Variants in RBFOX1 observed in about 807,000 individuals in gnomAD.
RBFOX1 encodes RNA binding fox-1 homolog 1, also known as RNA binding protein fox-1 homolog 1.
In RBFOX1, 8 loss-of-function variants were observed where a neutral mutation model predicts 57.7. That is an observed-to-expected ratio of 0.14 (90% CI 0.08 to 0.25). The LOEUF is 0.25. Among genes scored for constraint, RBFOX1 ranks in the 10% least tolerant of loss-of-function variants. The probability of loss-of-function intolerance (pLI) is 1.00; values close to 1 mark genes in which losing one functional copy is unlikely to be tolerated. For missense variants in RBFOX1, 611 were observed against 548.5 expected, an observed-to-expected ratio of 1.11 and a Z score of -1.14; for synonymous variants, 326 against 222.4, an observed-to-expected ratio of 1.47 and a Z score of -4.15.
At chr16:5,537,799 G>C (rs1567206350) in intron 2 of RBFOX1, among the ~76,000 whole-genome samples, 1 of 152,176 alleles carries the variant, frequency 6.6e-6, no homozygotes, top group Non-Finnish European at 1.5e-5. Context: ...AGCTCACTTG[G>C]ATAATCCAAG....
At chr16:5,782,322 T>G (rs2054349475) in intron 3 of RBFOX1, among the ~76,000 whole-genome samples, 1 of 152,202 alleles carries the variant, frequency 6.6e-6, no homozygotes, top group Admixed American at 6.5e-5. Context: ...TCTTGGTGCT[T>G]CATCCAAGAA....
At chr16:6,562,090 T>A (rs1230748762) in intron 2 of RBFOX1, among the ~76,000 whole-genome samples, 1 of 152,210 alleles carries the variant, frequency 6.6e-6, no homozygotes, top group Non-Finnish European at 1.5e-5. Flanking sequence ...TCAGCTGCAT[T>A]TCTACTGATG....
chr16:5,977,445 C>T (rs999644643), intron 4 of RBFOX1, among the ~76,000 whole-genome samples: 1 of 152,256 alleles, frequency 6.6e-6, no homozygotes, highest in Middle Eastern at 3.4e-3. Flanking sequence ...CCTGTGTGTG[C>T]GGTGCAGGGG....
intron 1 of RBFOX1, among the ~76,000 whole-genome samples, chr16:6,052,657 G>T (rs897574226): frequency 5.9e-5 from 9 of 151,798 alleles, no homozygotes; most frequent in Non-Finnish European, 1.2e-4. Flanking sequence ...GGTGGCGGGC[G>T]CCTGTAGTCC....
intron 2 of RBFOX1, among the ~76,000 whole-genome samples, chr16:6,633,078 T>A (rs1463948738): frequency 5.9e-5 from 9 of 152,150 alleles, no homozygotes; most frequent in Non-Finnish European, 1.0e-4. Flanking sequence ...TGGGACATGC[T>A]TTTTTCCAGC....
intron 4 of RBFOX1, among the ~76,000 whole-genome samples, chr16:7,267,839 G>C (rs1025856292): frequency 7.2e-5 from 11 of 152,310 alleles, no homozygotes; most frequent in Admixed American, 3.3e-4. Flanking sequence ...CGGGGCAACA[G>C]AGTGAGACCC....
chr16:7,256,972 G>T (rs1050830151), intron 4 of RBFOX1, among the ~76,000 whole-genome samples: 44 of 152,080 alleles, frequency 2.9e-4, no homozygotes, highest in African/African-American at 9.9e-4. Context: ...ATGTGTCATG[G>T]CTGGCATTCT....
chr16:7,062,828 A>G (rs927282928), intron 4 of RBFOX1, among the ~76,000 whole-genome samples: 3 of 132,192 alleles, frequency 2.3e-5, no homozygotes, highest in African/African-American at 8.5e-5. Context: ...TCCTGCCTTT[A>G]TGTTTAACCC....
intron 2 of RBFOX1, among the ~76,000 whole-genome samples, chr16:5,541,048 C>T (rs1388957399): frequency 6.6e-6 from 1 of 152,018 alleles, no homozygotes; most frequent in Non-Finnish European, 1.5e-5. Context: ...TGGGGTTTCA[C>T]CATGTTGGCC....
chr16:6,715,558 C>T (rs1431739346), intron 3 of RBFOX1, among the ~76,000 whole-genome samples: 1 of 152,160 alleles, frequency 6.6e-6, no homozygotes, highest in South Asian at 2.1e-4. Flanking sequence ...TCGCTGAAAA[C>T]TCCCGAAGAG....
intron 1 of RBFOX1, among the ~76,000 whole-genome samples, chr16:6,088,006 A>T (rs2096114394): frequency 6.6e-6 from 1 of 152,026 alleles, no homozygotes; most frequent in African/African-American, 2.4e-5. Context: ...TGTGTGTGTA[A>T]AACTTTTATT....
intron 1 of RBFOX1, among the ~76,000 whole-genome samples, chr16:6,224,589 G>C (rs2097402031): frequency 6.6e-6 from 1 of 152,106 alleles, no homozygotes; most frequent in Non-Finnish European, 1.5e-5. Context: ...TAAAAAAAGT[G>C]AACTGATTCA....
intron 4 of RBFOX1, among the ~76,000 whole-genome samples, chr16:7,145,717 C>T (rs1567445526): frequency 6.6e-6 from 1 of 152,150 alleles, no homozygotes; most frequent in Admixed American, 6.5e-5. Context: ...AAAAATGTAT[C>T]TTTAAGCTTG....
At chr16:6,784,181 G>T (rs1208469750) in intron 3 of RBFOX1, among the ~76,000 whole-genome samples, 2 of 151,992 alleles carry the variant, frequency 1.3e-5, no homozygotes, top group Non-Finnish European at 2.9e-5. Flanking sequence ...AAAGTTGTCT[G>T]TTATTTTTTT....
chr16:7,421,164 T>A (rs1273177356), intron 4 of RBFOX1, among the ~76,000 whole-genome samples: 2 of 152,048 alleles, frequency 1.3e-5, no homozygotes, highest in South Asian at 4.1e-4. Flanking sequence ...GAAAGTTGTA[T>A]GTAATAGAAA....
chr16:7,461,389 A>T (rs963295132), intron 4 of RBFOX1, among the ~76,000 whole-genome samples: 7 of 152,272 alleles, frequency 4.6e-5, no homozygotes, highest in Non-Finnish European at 8.8e-5. Context: ...GATGGTGTCC[A>T]TCTGTTGACC....
rs139370900 is a variant in RBFOX1 at position 7,136,120 on chromosome 16, G to C, written c.27+84022G>C. On this transcript the variant is annotated intron_variant, in intron 4 of 15. Transcript: ENST00000550418. ...GGCAAGAATGTCAAAGGAAGAGATTGGCTGGAAATGGTTTTCCACAGTAAA... is the reference window on the plus strand; with the variant it reads ...GGCAAGAATGTCAAAGGAAGAGATTCGCTGGAAATGGTTTTCCACAGTAAA... Among the ~76,000 whole-genome samples, 9 of 152,312 alleles carry C rather than the reference G, an allele frequency of 5.9e-5. No homozygotes were observed. In the South Asian group the frequency reaches 6.2e-4, roughly 11 times the overall value.
chr16:7,239,202 G>A (rs1254669661), intron 4 of RBFOX1, among the ~76,000 whole-genome samples: 1 of 152,102 alleles, frequency 6.6e-6, no homozygotes, highest in East Asian at 1.9e-4. Flanking sequence ...TGTAGGTACT[G>A]TGGGTGCCAG....
intron 1 of RBFOX1, among the ~76,000 whole-genome samples, chr16:5,450,319 G>A (rs2068383090): frequency 6.6e-6 from 1 of 152,176 alleles, no homozygotes; most frequent in Non-Finnish European, 1.5e-5. Flanking sequence ...AACAGCCCCT[G>A]AGATTTATGA....
Sources: allele counts gnomAD v4.1 joint callset (sites outside exome capture counted in the v4.1 genomes callset), GRCh38; gene constraint gnomAD v4.1.1; transcripts MANE v1.5; gene names NCBI Gene and HGNC (gene_info 2026-07-23, HGNC 2026-07-21).